PARD3B: variants seen among roughly 807,000 people sequenced by gnomAD.
PARD3B encodes par-3 family cell polarity regulator beta.
PARD3B carries 103 observed loss-of-function variants against 130.2 expected under a neutral mutation model. The observed-to-expected ratio is 0.79, with a 90% CI of 0.67 to 0.93. The LOEUF (loss-of-function observed/expected upper bound fraction) is 0.93, where lower values mean the gene tolerates loss of function less well. Among genes scored for constraint, PARD3B ranks in the 40% least tolerant of loss-of-function variants. The pLI is 0.00. For synonymous variants in PARD3B, 583 were observed against 553.2 expected (o/e 1.05, Z -0.76); for missense variants, 1,609 against 1,499.2 (o/e 1.07, Z -1.21).
chr2:204,987,829 A>G (rs1044475429), intron 3 of PARD3B, among the ~76,000 whole-genome samples: 1 of 152,072 alleles, frequency 6.6e-6, no homozygotes, highest in African/African-American at 2.4e-5. Flanking sequence ...ATTCTTATAT[A>G]GGGAGGTGAT....
intron 21 of PARD3B, among the ~76,000 whole-genome samples, chr2:205,521,705 T>C (rs1321917044): frequency 6.6e-6 from 1 of 152,148 alleles, no homozygotes; most frequent in Non-Finnish European, 1.5e-5. Context: ...ATTTCATTTG[T>C]GATTTTGTAT....
At position 205,268,865 on chromosome 2, in the gene PARD3B, G is replaced by C. The variant is rs1323208806; in HGVS notation, c.2185+23043G>C. On this transcript the variant is annotated intron_variant, in intron 16 of 22. Coordinates refer to ENST00000406610, the MANE Select transcript of PARD3B (RefSeq NM_001302769.2). This position sits in a 1 kb window ranked among gnomAD's most constrained non-coding sequence, Gnocchi z 4.1. Reference sequence around the variant, plus strand: ...CTCATTTTAACAACCTCATTAATAAGGTAATAAGAGACTGTCTTACCAGTG... The same window carrying C: ...CTCATTTTAACAACCTCATTAATAACGTAATAAGAGACTGTCTTACCAGTG... Among the ~76,000 whole-genome samples the C allele has an allele frequency of 6.6e-6, 1 of 152,018 alleles. No individual in the cohort carries two copies. Among genetic ancestry groups the C allele is most frequent in the African/African-American group, 2.4e-5 (1 of 41,386 alleles).
At chr2:204,844,149 G>A (rs962831449) in intron 2 of PARD3B, among the ~76,000 whole-genome samples, 2 of 152,124 alleles carry the variant, frequency 1.3e-5, no homozygotes, top group African/African-American at 4.8e-5. Context: ...AAAGGAAGTG[G>A]TTACCTTTTA....
intron 3 of PARD3B, among the ~76,000 whole-genome samples, chr2:204,986,117 A>AC (rs1287369868): frequency 8.6e-5 from 13 of 150,840 alleles, no homozygotes; most frequent in Admixed American, 7.9e-4. Context: ...AAAAAAAAAA[A>AC]AAAAAAAAAG....
At chr2:205,587,423 A>C (rs973826886) in intron 22 of PARD3B, among the ~76,000 whole-genome samples, 1 of 152,224 alleles carries the variant, frequency 6.6e-6, no homozygotes, top group African/African-American at 2.4e-5. Flanking sequence ...ATGGTTGACT[A>C]TTGTACTATC....
At chr2:205,070,912 G>T (rs777079142) in intron 4 of PARD3B, among the ~76,000 whole-genome samples, 2 of 151,598 alleles carry the variant, frequency 1.3e-5, no homozygotes, top group African/African-American at 2.4e-5. Context: ...ACATTTGCTC[G>T]CACTCTTTTA....
chr2:205,043,486 C>T (rs1271023418), intron 3 of PARD3B, among the ~76,000 whole-genome samples: 1 of 152,160 alleles, frequency 6.6e-6, no homozygotes, highest in East Asian at 1.9e-4. Flanking sequence ...AACAAAGGCT[C>T]AATCTGTTTG....
chr2:204,845,614 C>T (rs2044430097), intron 2 of PARD3B, among the ~76,000 whole-genome samples: 1 of 152,042 alleles, frequency 6.6e-6, no homozygotes, highest in South Asian at 2.1e-4. Context: ...ATCTGATTTG[C>T]TCTTTTGTGC....
At chr2:204,574,051 T>C (rs548503547) in intron 1 of PARD3B, among the ~76,000 whole-genome samples, 2 of 152,204 alleles carry the variant, frequency 1.3e-5, no homozygotes, top group Non-Finnish European at 2.9e-5. Flanking sequence ...TCTTCCTATT[T>C]GTGGCCTTTC....
intron 20 of PARD3B, among the ~76,000 whole-genome samples, chr2:205,453,994 C>G (rs2048190068): frequency 6.6e-6 from 1 of 152,064 alleles, no homozygotes; most frequent in Non-Finnish European, 1.5e-5. Flanking sequence ...CTCCCTTTCT[C>G]CCTCATTTAT....
rs144837328 is a variant in PARD3B at position 205,572,792 on chromosome 2, T to C, written c.3260+19389T>C. Among the ~76,000 whole-genome samples the C allele has an allele frequency of 1.3e-5, 2 of 152,262 alleles. No homozygotes were observed. The highest frequency in any genetic ancestry group is 1.9e-4 in the East Asian group (1 of 5,166). On this transcript the variant is annotated intron_variant, in intron 22 of 22. Transcript: ENST00000406610. This position sits in a 1 kb window ranked among gnomAD's most constrained non-coding sequence, Gnocchi z 4.2. ...ACAAGACTACAATCAGGAAGGGCAT[T>C]GTGAAACTGTTTATGTGGTCCCTAC...
chr2:205,593,871 A>T (rs539326580), intron 22 of PARD3B, among the ~76,000 whole-genome samples: 1 of 152,356 alleles, frequency 6.6e-6, no homozygotes, highest in East Asian at 1.9e-4. Context: ...AGCCTCATAG[A>T]CACAAGAGTA....
At chr2:204,694,787 T>A (rs138580572) in intron 2 of PARD3B, among the ~76,000 whole-genome samples, 1 of 152,102 alleles carries the variant, frequency 6.6e-6, no homozygotes, top group African/African-American at 2.4e-5. Flanking sequence ...CTATAGTGTG[T>A]ATGGGTGTAT....
Position 204,623,776 on chromosome 2 carries a change from T to A in PARD3B, c.121-62405T>A, listed in dbSNP as rs1482731694. Among the ~76,000 whole-genome samples the A allele has an allele frequency of 6.6e-6, 1 of 152,186 alleles. No individual in the cohort carries two copies. The highest frequency in any genetic ancestry group is 1.9e-4 in the East Asian group (1 of 5,196). On this transcript the variant is annotated intron_variant, in intron 1 of 22. Transcript: ENST00000406610. This position sits in a 1 kb window ranked among gnomAD's most constrained non-coding sequence, Gnocchi z 4.5. ...CTAGAACTGAATTATGTTGCATAAATGAAGAATTTATACCCATTGAATAGC... is the reference window on the plus strand; with the variant it reads ...CTAGAACTGAATTATGTTGCATAAAAGAAGAATTTATACCCATTGAATAGC...
chr2:205,023,629 G>A (rs184584041), intron 3 of PARD3B, among the ~76,000 whole-genome samples: 5 of 138,542 alleles, frequency 3.6e-5, no homozygotes, highest in Admixed American at 8.2e-5. Flanking sequence ...ACAGAGCTCC[G>A]GCTGTAGCTG....
intron 2 of PARD3B, among the ~76,000 whole-genome samples, chr2:204,878,530 T>A (rs1164702790): frequency 6.6e-6 from 1 of 152,104 alleles, no homozygotes; most frequent in Non-Finnish European, 1.5e-5. Flanking sequence ...GTGTTTTTAT[T>A]TTGTATTAAA....
chr2:204,898,567 T>C (rs1330031201), intron 2 of PARD3B, among the ~76,000 whole-genome samples: 1 of 152,208 alleles, frequency 6.6e-6, no homozygotes, highest in Non-Finnish European at 1.5e-5. Flanking sequence ...GAATGATCCA[T>C]GTGCTGAGGA....
chr2:204,708,843 A>G (rs1429581296), intron 2 of PARD3B, among the ~76,000 whole-genome samples: 2 of 152,216 alleles, frequency 1.3e-5, no homozygotes, highest in Non-Finnish European at 2.9e-5. Flanking sequence ...TGTCACCTAC[A>G]TAGACAGTCA....
intron 1 of PARD3B, among the ~76,000 whole-genome samples, chr2:204,553,746 A>G (rs2030714581): frequency 6.8e-6 from 1 of 146,372 alleles, no homozygotes; most frequent in South Asian, 2.2e-4. Flanking sequence ...GAGAGACTGA[A>G]TTAATGGCAT....
Sources: allele counts gnomAD v4.1 joint callset (sites outside exome capture counted in the v4.1 genomes callset), GRCh38; gene constraint gnomAD v4.1.1; non-coding constraint Gnocchi (gnomAD v3.1); transcripts MANE v1.5; gene names NCBI Gene and HGNC (gene_info 2026-07-23, HGNC 2026-07-21).